SMYD3: variants seen among roughly 807,000 people sequenced by gnomAD.
The protein encoded by SMYD3 is histone-lysine N-methyltransferase SMYD3.
A neutral mutation model predicts 57.7 loss-of-function variants in SMYD3; 36 were observed. That is an observed-to-expected ratio of 0.62 (90% CI 0.48 to 0.82). The LOEUF (loss-of-function observed/expected upper bound fraction) is 0.82. Among genes scored for constraint, SMYD3 ranks in the 40% least tolerant of loss-of-function variants. The pLI is 0.00. For missense variants in SMYD3, 515 were observed against 538.8 expected, an observed-to-expected ratio of 0.96 and a Z score of 0.44; for synonymous variants, 211 against 195.0, an observed-to-expected ratio of 1.08 and a Z score of -0.68.
At chr1:246,158,227 G>T (rs958581266) in intron 5 of SMYD3, among the ~76,000 whole-genome samples, 1 of 152,176 alleles carries the variant, frequency 6.6e-6, no homozygotes, top group South Asian at 2.1e-4. Context: ...TCCATCATTG[G>T]TGCAAAATGA....
chr1:246,274,216 C>T (rs2064285518), intron 5 of SMYD3, among the ~76,000 whole-genome samples: 1 of 152,156 alleles, frequency 6.6e-6, no homozygotes, highest in Non-Finnish European at 1.5e-5. Context: ...AGTCATTAGA[C>T]ACAAAACATG....
intron 10 of SMYD3, among the ~76,000 whole-genome samples, chr1:245,778,681 T>G (rs1192481169): frequency 6.6e-6 from 1 of 152,202 alleles, no homozygotes; most frequent in African/African-American, 2.4e-5. Flanking sequence ...GATGAGGCCA[T>G]GAACTCAAAT....
Position 245,929,947 on chromosome 1 carries a change from C to G in SMYD3, c.532-10G>C, listed in dbSNP as rs750434479. The G allele has an allele frequency of 4.3e-6, 7 of 1,611,338 alleles. No homozygotes were observed. In the African/African-American group the frequency reaches 9.4e-5, roughly 22 times the overall value. On this transcript the variant is annotated splice_polypyrimidine_tract_variant and intron_variant, in intron 5 of 11. Coordinates refer to ENST00000490107, the MANE Select transcript of SMYD3 (RefSeq NM_001167740.2). Reference sequence around the variant, plus strand: ...AAGAGTTGCAGATCACCTGTAAACACAAGGGGAACCATCAGTATTACTAGA... The same window carrying G: ...AAGAGTTGCAGATCACCTGTAAACAGAAGGGGAACCATCAGTATTACTAGA...
chr1:245,981,811 G>A (rs891184087), intron 5 of SMYD3, among the ~76,000 whole-genome samples: 5 of 152,200 alleles, frequency 3.3e-5, no homozygotes, highest in Admixed American at 2.6e-4. Context: ...CTTGGGAAAC[G>A]ATTACATAGA....
chr1:246,262,717 C>G (rs2064034848), intron 5 of SMYD3, among the ~76,000 whole-genome samples: 1 of 152,134 alleles, frequency 6.6e-6, no homozygotes. Flanking sequence ...AATGAAGATT[C>G]ACTGAATTAT....
intron 1 of SMYD3, among the ~76,000 whole-genome samples, chr1:246,433,932 G>C (rs1362904981): frequency 6.6e-6 from 1 of 152,064 alleles, no homozygotes; most frequent in East Asian, 1.9e-4. Context: ...CAAACACATA[G>C]ACCAATGGAG....
intron 1 of SMYD3, among the ~76,000 whole-genome samples, chr1:246,448,702 TTTAAAAAAAAAAAA>T (rs908881433): frequency 1.3e-4 from 12 of 92,928 alleles, no homozygotes; most frequent in African/African-American, 6.4e-4. Context: ...ATCTCTTTTT[TTTAAAAAAAAAAAA>T]AAAAAAAAAA....
chr1:246,443,830 G>A (rs2067506747), intron 1 of SMYD3, among the ~76,000 whole-genome samples: 1 of 152,130 alleles, frequency 6.6e-6, no homozygotes, highest in Admixed American at 6.5e-5. Flanking sequence ...AATGAAATAT[G>A]TCCACCAAAC....
intron 5 of SMYD3, among the ~76,000 whole-genome samples, chr1:246,140,163 A>G (rs896715123): frequency 6.6e-6 from 1 of 152,234 alleles, no homozygotes; most frequent in African/African-American, 2.4e-5. Flanking sequence ...TCAATGAGGT[A>G]CAAGTGCCAG....
chr1:246,198,389 C>A lies in SMYD3; in HGVS notation c.531+128812G>T, dbSNP rs10924541. Reference sequence around the variant, plus strand: ...CACATGATATGAACTCTGTTTATTTCTAATATTCAAATGAGCTCAACTAAT... The same window carrying A: ...CACATGATATGAACTCTGTTTATTTATAATATTCAAATGAGCTCAACTAAT... On this transcript the variant is annotated intron_variant, in intron 5 of 11. Coordinates refer to ENST00000490107, the MANE Select transcript of SMYD3 (RefSeq NM_001167740.2). Among the ~76,000 whole-genome samples the A allele has an allele frequency of 7.2e-3, 1,101 of 152,236 alleles. 13 individuals are homozygous for A. The highest frequency in any genetic ancestry group is 0.024 in the African/African-American group (1,012 of 41,528).
intron 5 of SMYD3, among the ~76,000 whole-genome samples, chr1:246,019,884 T>C (rs941963566): frequency 6.6e-6 from 1 of 152,142 alleles, no homozygotes; most frequent in Non-Finnish European, 1.5e-5. Flanking sequence ...TGAAAGAAAA[T>C]ACATATATAG....
intron 10 of SMYD3, among the ~76,000 whole-genome samples, chr1:245,824,363 C>G (rs960586457): frequency 6.6e-6 from 1 of 152,292 alleles, no homozygotes; most frequent in East Asian, 1.9e-4. Context: ...TTGGATGAAA[C>G]GACACATGAA....
intron 5 of SMYD3, among the ~76,000 whole-genome samples, chr1:246,138,155 A>G (rs12736352): frequency 0.5 from 76,307 of 151,930 alleles, 23,024 homozygotes; most frequent in Non-Finnish European, 0.69. Flanking sequence ...CAAGGGACTA[A>G]ATTTACACAT....
intron 8 of SMYD3, among the ~76,000 whole-genome samples, chr1:245,892,326 C>T (rs565045185): frequency 6.6e-6 from 1 of 152,334 alleles, no homozygotes; most frequent in South Asian, 2.1e-4. Flanking sequence ...CATCTACCAT[C>T]TCCCAATCTA....
intron 5 of SMYD3, chr1:245,953,480 G>A (rs1258838048): frequency 5.0e-6 from 2 of 396,408 alleles, no homozygotes; most frequent in Non-Finnish European, 7.1e-6. Context: ...GAGTGCAGTG[G>A]TGTGATCTCG....
chr1:245,833,073 A>ACAAAAAAAAAAAAAAAAACAAAAC (rs1553337078), intron 10 of SMYD3, among the ~76,000 whole-genome samples: 1 of 128,652 alleles, frequency 7.8e-6, no homozygotes, highest in African/African-American at 3.0e-5. Flanking sequence ...AAAAAAAAAA[A>ACAAAAAAAAAAAAAAAAACAAAAC]AACCTGCTTT....
chr1:245,764,173 A>G, intron 10 of SMYD3, 24 bp from the exon 11 acceptor site: 1 of 1,511,804 alleles, frequency 6.6e-7, no homozygotes, highest in Non-Finnish European at 9.2e-7. Flanking sequence ...AACGGCAAAC[A>G]GTGTCAGCAG....
chr1:246,361,426 C>T (rs2065985239), intron 1 of SMYD3, among the ~76,000 whole-genome samples: 1 of 152,196 alleles, frequency 6.6e-6, no homozygotes, highest in Admixed American at 6.5e-5. Flanking sequence ...CCATTTGATT[C>T]AGCAGTCCCA....
At position 246,480,730 on chromosome 1, in the gene SMYD3, G is replaced by C. The variant is rs115558518; in HGVS notation, c.164+26324C>G. ...CATTCCCTTCCACTATGCTATTTTG[G>C]GTCCTTCTGACAAAATGAAAGTAAA... On this transcript the variant is annotated intron_variant, in intron 1 of 11. Coordinates refer to ENST00000490107, the MANE Select transcript of SMYD3 (RefSeq NM_001167740.2). Among the ~76,000 whole-genome samples, 1,234 of 152,110 alleles carry C rather than the reference G, an allele frequency of 8.1e-3. 12 individuals carry two copies. The highest frequency in any genetic ancestry group is 0.028 in the African/African-American group (1,153 of 41,478).
Sources: allele counts gnomAD v4.1 joint callset (sites outside exome capture counted in the v4.1 genomes callset), GRCh38; gene constraint gnomAD v4.1.1; transcripts MANE v1.5; gene names NCBI Gene and HGNC (gene_info 2026-07-23, HGNC 2026-07-21).